ANXA5: variants seen among roughly 807,000 people sequenced by gnomAD.
ANXA5 encodes annexin A5.
Under a neutral mutation model 48.1 loss-of-function variants are expected in ANXA5, and 40 were observed. That is an observed-to-expected ratio of 0.83 (90% CI 0.65 to 1.08). The LOEUF (loss-of-function observed/expected upper bound fraction) is 1.08. Among genes scored for constraint, ANXA5 ranks in the 50% least tolerant of loss-of-function variants. The probability of loss-of-function intolerance (pLI) is 0.00; values close to 1 mark genes in which losing one functional copy is unlikely to be tolerated. For synonymous variants in ANXA5, 113 were observed against 129.1 expected (o/e 0.88, Z 0.85); for missense variants, 357 against 376.8 (o/e 0.95, Z 0.44).
chr4:121,671,632 C>T lies in ANXA5; in HGVS notation c.636G>A (p.Lys212=), dbSNP rs543534792. Residue 212 remains lysine (K), a synonymous_variant, in exon 10 of 13, where the codon AAG becomes AAA. Transcript: ENST00000296511. ...TTTGAAATCCTGATATAGTCATGTACTTGTCAAACACTAGAAAAAATAAAA... is the reference window on the plus strand; with the variant it reads ...TTTGAAATCCTGATATAGTCATGTATTTGTCAAACACTAGAAAAAATAAAA... ...SVSHLRKVFD[K]YMTISGFQIE... is the part of the protein sequence containing the mutation. 6 of 1,609,824 alleles carry T rather than the reference C, an allele frequency of 3.7e-6. No homozygotes were observed. Among genetic ancestry groups the T allele is most frequent in the Non-Finnish European group, 4.3e-6 (5 of 1,176,404 alleles).
Position 121,668,277 on chromosome 4 carries a change from A to G in ANXA5, c.*191T>C. On this transcript the variant is annotated 3_prime_UTR_variant, in exon 13 of 13. Coordinates refer to ENST00000296511, the MANE Select transcript of ANXA5 (RefSeq NM_001154.4). ...AGTACACTTTAGTACTACAGCAGTC[A>G]AAGAGATCTCCACTAGAGATCAGAA... 1 of 555,734 alleles carries G rather than the reference A, an allele frequency of 1.8e-6. No homozygotes were observed. 34.4% of individuals were successfully genotyped at this position (555,734 alleles called of 1,614,324 possible). A position where few individuals can be genotyped will look rare whatever the true frequency, so the allele number is the denominator to read the frequency against.
At chr4:121,690,512 T>C (rs538500564) in intron 2 of ANXA5, among the ~76,000 whole-genome samples, 7 of 152,170 alleles carry the variant, frequency 4.6e-5, no homozygotes, top group African/African-American at 9.6e-5. Context: ...CAGGAATGAA[T>C]TGAGGGAAAG....
intron 8 of ANXA5, among the ~76,000 whole-genome samples, chr4:121,674,044 G>A (rs1015512589): frequency 8.6e-5 from 13 of 151,264 alleles, no homozygotes; most frequent in East Asian, 7.8e-4. Flanking sequence ...ATCCAGGCAC[G>A]GTGGCAGATG....
At chr4:121,691,976 G>A (rs1344373044) in intron 2 of ANXA5, among the ~76,000 whole-genome samples, 1 of 152,152 alleles carries the variant, frequency 6.6e-6, no homozygotes, top group Non-Finnish European at 1.5e-5. Context: ...TCAGAGGTCA[G>A]AGACATGCTC....
chr4:121,684,784 GT>G lies in ANXA5; in HGVS notation c.95-14del, dbSNP rs1483265156. On this transcript the variant is annotated splice_polypyrimidine_tract_variant and intron_variant, in intron 3 of 12. Transcript: ENST00000296511. Reference sequence around the variant, plus strand: ...TCCTCATCTGTGCCTGCAATTTATGGTTAACAATTACATTTTGGCTCCTACA... The same window carrying G: ...TCCTCATCTGTGCCTGCAATTTATGGTAACAATTACATTTTGGCTCCTACA... The G allele has an allele frequency of 6.2e-7, 1 of 1,611,154 alleles. No individual in the cohort carries two copies. Among genetic ancestry groups the G allele is most frequent in the East Asian group, 2.2e-5 (1 of 44,814 alleles).
chr4:121,668,556 C>T (rs1440311821), intron 12 of ANXA5, 29 bp from the exon 13 acceptor site: 1 of 1,595,980 alleles, frequency 6.3e-7, no homozygotes, highest in African/African-American at 1.3e-5. Flanking sequence ...CATTAACCTC[C>T]ATGACTCACA....
intron 3 of ANXA5, among the ~76,000 whole-genome samples, chr4:121,685,674 T>C (rs908258025): frequency 6.6e-6 from 1 of 152,114 alleles, no homozygotes; most frequent in Non-Finnish European, 1.5e-5. Flanking sequence ...CAGTGACACA[T>C]GGAAATCCTT....
At chr4:121,694,929 T>C (rs867077953) in intron 2 of ANXA5, among the ~76,000 whole-genome samples, 5 of 152,342 alleles carry the variant, frequency 3.3e-5, no homozygotes, top group Middle Eastern at 3.4e-3. Context: ...ATGATACTAA[T>C]CATTCTTTGA....
chr4:121,683,322 TA>T, intron 5 of ANXA5, 41 bp downstream of exon 5: 1 of 1,186,196 alleles, frequency 8.4e-7, no homozygotes, highest in Non-Finnish European at 1.2e-6. Context: ...AACAAAATAA[TA>T]CTATCTATGC....
At position 121,691,324 on chromosome 4, in the gene ANXA5, C is replaced by CA. The variant is rs5861533; in HGVS notation, c.10-4953dup. On this transcript the variant is annotated intron_variant, in intron 2 of 12. Coordinates refer to ENST00000296511, the MANE Select transcript of ANXA5 (RefSeq NM_001154.4). ...CTTTACCCGCAAGGACTAGGTATGC[C>CA]AAAAAAAAAATGAATAAGACCAACC... Among the ~76,000 whole-genome samples, 966 of 150,260 alleles carry CA rather than the reference C, an allele frequency of 6.4e-3. 11 individuals are homozygous for CA. The highest frequency in any genetic ancestry group is 0.022 in the African/African-American group (916 of 40,904).
chr4:121,673,855 T>G (rs1421955082), intron 8 of ANXA5, among the ~76,000 whole-genome samples: 1 of 151,960 alleles, frequency 6.6e-6, no homozygotes, highest in Non-Finnish European at 1.5e-5. Context: ...ATTGAGAAAT[T>G]TTATAAAACT....
At chr4:121,674,475 G>T (rs969838199) in intron 8 of ANXA5, among the ~76,000 whole-genome samples, 1 of 152,118 alleles carries the variant, frequency 6.6e-6, no homozygotes, top group African/African-American at 2.4e-5. Context: ...ACCTAAATGG[G>T]TAAAGGACTC....
intron 2 of ANXA5, among the ~76,000 whole-genome samples, chr4:121,691,849 A>G (rs1252440563): frequency 2.0e-5 from 3 of 152,230 alleles, no homozygotes; most frequent in African/African-American, 7.2e-5. Flanking sequence ...GAAAAAAATA[A>G]GAAGGGCATA....
At chr4:121,669,413 T>C (rs1724574435) in intron 12 of ANXA5, 189 bp downstream of exon 12, 1 of 684,608 alleles carries the variant, frequency 1.5e-6, no homozygotes, top group South Asian at 1.9e-5. Flanking sequence ...TCAATACCCA[T>C]GCTTTCACTT....
At chr4:121,693,707 A>C (rs1002744224) in intron 2 of ANXA5, among the ~76,000 whole-genome samples, 3 of 152,224 alleles carry the variant, frequency 2.0e-5, no homozygotes, top group Admixed American at 6.5e-5. Flanking sequence ...AGCAGCCAAA[A>C]TGAACTTAAG....
At chr4:121,693,360 C>G (rs6534313) in intron 2 of ANXA5, among the ~76,000 whole-genome samples, 66,594 of 151,938 alleles carry the variant, frequency 0.44, 16,118 homozygotes, top group East Asian at 0.73. Flanking sequence ...TGAAAGACTG[C>G]GTCTAAGAAG....
chr4:121,695,708 G>C (rs9998908), intron 2 of ANXA5, among the ~76,000 whole-genome samples: 15,847 of 151,980 alleles, frequency 0.1, 1,150 homozygotes, highest in African/African-American at 0.2. Context: ...TTTGAGACCA[G>C]CCTGGCCAAC....
chr4:121,684,468 G>A (rs1394812980), intron 4 of ANXA5, among the ~76,000 whole-genome samples: 3 of 152,260 alleles, frequency 2.0e-5, no homozygotes, highest in African/African-American at 7.2e-5. Flanking sequence ...ACAGCATTAG[G>A]CAAGGAAAAA....
chr4:121,678,361 C>G (rs776789298), intron 7 of ANXA5, 54 bp downstream of exon 7: 1 of 1,448,676 alleles, frequency 6.9e-7, no homozygotes, highest in Admixed American at 1.8e-5. Flanking sequence ...CTAGATTCAG[C>G]CCAGTCCAAC....
Sources: allele counts gnomAD v4.1 joint callset (sites outside exome capture counted in the v4.1 genomes callset), GRCh38; gene constraint gnomAD v4.1.1; transcripts MANE v1.5; gene names NCBI Gene and HGNC (gene_info 2026-07-23, HGNC 2026-07-21).